Variants in PATZ1 observed in about 807,000 individuals in gnomAD.
The protein encoded by PATZ1 is POZ-, AT hook-, and zinc finger-containing protein 1.
A neutral mutation model predicts 46.2 loss-of-function variants in PATZ1; 9 were observed. The observed-to-expected ratio is 0.19, with a 90% CI of 0.12 to 0.34. The LOEUF is 0.34. Among genes scored for constraint, PATZ1 ranks in the 10% least tolerant of loss-of-function variants. The pLI is 1.00. For missense variants in PATZ1, 632 were observed against 923.0 expected (o/e 0.68, Z 4.08); for synonymous variants, 426 against 378.6 (o/e 1.13, Z -1.45).
chr22:31,343,067 G>A (rs550552547), intron 1 of PATZ1, 107 bp from the exon 2 acceptor site: 4 of 1,532,850 alleles, frequency 2.6e-6, no homozygotes, highest in Non-Finnish European at 2.6e-6. Context: ...CTGCTGGAAA[G>A]GACTCCCTCT....
In PATZ1 at chr22:31,344,689, T is replaced by C. The variant is rs2049626091; in HGVS notation, c.914A>G (p.Asn305Ser). The C allele has an allele frequency of 1.9e-6, 3 of 1,613,690 alleles. No individual in the cohort carries two copies. The highest frequency in any genetic ancestry group is 1.3e-5 in the African/African-American group (1 of 74,930). Residue 305 changes from asparagine to serine, a missense_variant, in exon 1 of 5, where the codon AAC becomes AGC. This residue lies in a region of PATZ1 where 279 missense variants were observed against 284.3 expected (regional missense o/e 0.98). Transcript: ENST00000266269. Reference protein sequence around the residue: ...GLCGKVFTDANRLRQHEAQHG... With the variant: ...GLCGKVFTDASRLRQHEAQHG... ...CTGGGCCTCGTGCTGCCGGAGCCGG[T>C]TGGCATCAGTGAACACCTTACCACA...
chr22:31,344,590 A>G lies in PATZ1; in HGVS notation c.1013T>C (p.Ile338Thr), dbSNP rs1240081670. 6.2e-7 allele frequency: 1 copy of G among 1,614,112 alleles called. No homozygotes were observed. Among genetic ancestry groups the G allele is most frequent in the Non-Finnish European group, 8.5e-7 (1 of 1,180,006 alleles). Reference sequence around the variant, plus strand: ...TCGGGGGCCGTCGGGGTCTTCAGAGATGGGTAGCCCATTCTCACCCAGCCT... The same window carrying G: ...TCGGGGGCCGTCGGGGTCTTCAGAGGTGGGTAGCCCATTCTCACCCAGCCT... Reference protein sequence around the residue: ...PPRLGENGLPISEDPDGPRKR... With the variant: ...PPRLGENGLPTSEDPDGPRKR... The change falls in exon 1 of 5, where the codon ATC becomes ACC. Residue 338 changes from isoleucine to threonine, a missense_variant. Coordinates refer to ENST00000266269, the MANE Select transcript of PATZ1 (RefSeq NM_014323.3).
rs760806827 is a variant in PATZ1, at chr22:31,327,085, T to G, written c.1870A>C (p.Ile624Leu). ...FRSKSYLNKH[I>L]QKVHVRALGG... ...AGAGCCCGGACATGCACCTTCTGGA[T>G]GTGTTTGTTCAAGTAGGACTTAGAG... The change falls in exon 5 of 5, where the codon ATC becomes CTC. Residue 624 changes from isoleucine to leucine, a missense_variant. Physicochemically the swap from Ile to Leu is conservative, Grantham distance 5. Around this residue, in one of 7 missense-constraint regions of PATZ1, gnomAD observed 176 missense variants for 249.4 expected, o/e 0.71. Coordinates refer to ENST00000266269, the MANE Select transcript of PATZ1 (RefSeq NM_014323.3). This position sits in a 1 kb window ranked among gnomAD's most constrained non-coding sequence, Gnocchi z 4.2. 6.2e-7 allele frequency: 1 copy of G among 1,613,794 alleles called. No individual in the cohort carries two copies. Among genetic ancestry groups the G allele is most frequent in the Non-Finnish European group, 8.5e-7 (1 of 1,179,932 alleles).
In PATZ1 at chr22:31,341,665, T is replaced by C. The variant is rs764038152; in HGVS notation, c.1335+1232A>G. 4 of 1,611,896 alleles carry C rather than the reference T, an allele frequency of 2.5e-6. No individual in the cohort carries two copies. In the Admixed American group the frequency reaches 6.7e-5, roughly 27 times the overall value. On this transcript the variant is annotated intron_variant, in intron 2 of 4. Transcript: ENST00000266269. Reference sequence around the variant, plus strand: ...AGAGGTTCCAGGGGCGGCAGGCCGCTGCTGCTCCCAACCCACACCTGGAAA... The same window carrying C: ...AGAGGTTCCAGGGGCGGCAGGCCGCCGCTGCTCCCAACCCACACCTGGAAA...
At position 31,327,385 on chromosome 22, in the gene PATZ1, G is replaced by A; in HGVS notation, c.1646-76C>T. On this transcript the variant is annotated intron_variant, in intron 4 of 4. Transcript: ENST00000266269. This position sits in a 1 kb window ranked among gnomAD's most constrained non-coding sequence, Gnocchi z 4.2. ...CCCCCTCCTGGAGGGGTCATGAGGGGCCAGCTCACAGACCTGTGGAGGGCA... is the reference window on the plus strand; with the variant it reads ...CCCCCTCCTGGAGGGGTCATGAGGGACCAGCTCACAGACCTGTGGAGGGCA... The A allele has an allele frequency of 7.9e-7, 1 of 1,264,530 alleles. No individual in the cohort carries two copies. Among genetic ancestry groups the A allele is most frequent in the Non-Finnish European group, 1.1e-6 (1 of 903,980 alleles). The allele number at this position is 1,264,530 out of a possible 1,614,324, so 78.3% of individuals were successfully genotyped here. A position where few individuals can be genotyped will look rare whatever the true frequency, so the allele number is the denominator to read the frequency against.
chr22:31,329,483 T>C (rs1174463288), intron 3 of PATZ1, among the ~76,000 whole-genome samples: 2 of 152,206 alleles, frequency 1.3e-5, no homozygotes, highest in Non-Finnish European at 2.9e-5. Context: ...TTTTTCTAAC[T>C]TCCCCACCTT....
At chr22:31,336,024 A>G (rs1220916860) in intron 2 of PATZ1, among the ~76,000 whole-genome samples, 161 bp from the exon 3 acceptor site, 1 of 152,168 alleles carries the variant, frequency 6.6e-6, no homozygotes, top group Non-Finnish European at 1.5e-5. Context: ...CCAGAATGCC[A>G]AGAGGCTGCT....
chr22:31,344,547 C>T lies in PATZ1; in HGVS notation c.1056G>A (p.Arg352=). The T allele has an allele frequency of 6.2e-7, 1 of 1,614,234 alleles. No homozygotes were observed. The highest frequency in any genetic ancestry group is 1.7e-5 in the Admixed American group (1 of 60,030). Residue 352 remains arginine (R), a synonymous_variant, in exon 1 of 5, where the codon AGG becomes AGA. Transcript: ENST00000266269. ...CGCAGATCTCACAAGCCACCTGCTT[C>T]CTGGTCCGGCTCCTCTTTCGGGGGC... ...PDGPRKRSRT[R]KQVACEICGK... is the part of the protein sequence containing the mutation.
At chr22:31,343,837 T>C (rs1285252456) in intron 1 of PATZ1, among the ~76,000 whole-genome samples, 1 of 152,154 alleles carries the variant, frequency 6.6e-6, no homozygotes, top group African/African-American at 2.4e-5. Context: ...CCCAGGGTGG[T>C]GTGAGAGGCA....
At chr22:31,342,875 T>G in intron 2 of PATZ1, 22 bp downstream of exon 2, 5 of 1,613,130 alleles carry the variant, frequency 3.1e-6, no homozygotes, top group Non-Finnish European at 3.4e-6. Context: ...TCAGCCCATC[T>G]CTGCCCTGAC....
At chr22:31,336,971 A>G (rs935501882) in intron 2 of PATZ1, among the ~76,000 whole-genome samples, 9 of 146,932 alleles carry the variant, frequency 6.1e-5, no homozygotes, top group Non-Finnish European at 1.4e-4. Context: ...TTAACCAGGC[A>G]TGGTGGCAGG....
At chr22:31,340,740 G>A (rs1476198659) in intron 2 of PATZ1, 3 of 1,051,396 alleles carry the variant, frequency 2.9e-6, no homozygotes, top group Non-Finnish European at 3.4e-6. Context: ...AGTGCTAAAG[G>A]GCACACCAAT....
intron 2 of PATZ1, 106 bp from the exon 3 acceptor site, chr22:31,335,969 C>T: frequency 2.0e-6 from 2 of 1,002,302 alleles, no homozygotes; most frequent in South Asian, 1.5e-5. Flanking sequence ...ATCACATGAC[C>T]TCCCTTTATA....
At chr22:31,341,084 A>C in intron 2 of PATZ1, 1 of 1,105,452 alleles carries the variant, frequency 9.0e-7, no homozygotes, top group Non-Finnish European at 1.1e-6. Context: ...GAAGCAGATA[A>C]GCTGGTGGCT....
chr22:31,326,762 G>C lies in PATZ1; in HGVS notation c.*129C>G, dbSNP rs1332474135. On this transcript the variant is annotated 3_prime_UTR_variant, in exon 5 of 5. Transcript: ENST00000266269. ...GGGTGGTGGAGAAGGAGTTGGAGTG[G>C]GGTTGGGGGGCAGTTAAAAATGAAT... 1.4e-5 allele frequency: 10 copies of C among 720,636 alleles called. No individual in the cohort carries two copies. Among genetic ancestry groups the C allele is most frequent in the African/African-American group, 1.3e-4 (7 of 55,942 alleles). 44.6% of individuals were successfully genotyped at this position (720,636 alleles called of 1,614,324 possible).
intron 2 of PATZ1, chr22:31,341,062 G>A (rs1183874862): frequency 1.7e-5 from 19 of 1,090,996 alleles, no homozygotes; most frequent in Middle Eastern, 3.9e-4. Flanking sequence ...GGGAAGTGAT[G>A]CCAGGGGAAG....
chr22:31,340,948 G>C (rs1601494726), intron 2 of PATZ1: 2 of 1,069,130 alleles, frequency 1.9e-6, no homozygotes, highest in East Asian at 5.0e-5. Flanking sequence ...AGGGCAGCAT[G>C]GGTTGACTCT....
chr22:31,345,432 G>A lies in PATZ1; in HGVS notation c.171C>T (p.Ala57=), dbSNP rs377759106. The A allele has an allele frequency of 6.2e-7, 1 of 1,612,546 alleles. No homozygotes were observed. Among genetic ancestry groups the A allele is most frequent in the African/African-American group, 1.3e-5 (1 of 75,060 alleles). ...AGTACTCGCTGCAGGCGGCCAGCAC[G>A]GCGCGGTGCGCTGGGAAGCTCTCGT... The part of the protein sequence containing the change: ...VGDESFPAHR[A]VLAACSEYFE... The change falls in exon 1 of 5, where the codon GCC becomes GCT. Residue 57 remains alanine, a synonymous_variant. Transcript: ENST00000266269. The surrounding 1 kb of genome is among the most constrained non-coding windows in gnomAD (Gnocchi z 7.4).
intron 1 of PATZ1, chr22:31,343,359 C>G: frequency 1.0e-6 from 1 of 989,472 alleles, no homozygotes; most frequent in Non-Finnish European, 1.2e-6. Flanking sequence ...CAGCAATCCC[C>G]TCCCCCAGCC....
Sources: allele counts gnomAD v4.1 joint callset (sites outside exome capture counted in the v4.1 genomes callset), GRCh38; gene constraint gnomAD v4.1.1; regional missense constraint gnomAD v4.1.1; non-coding constraint Gnocchi (gnomAD v3.1); transcripts MANE v1.5; gene names NCBI Gene and HGNC (gene_info 2026-07-23, HGNC 2026-07-21).